MTFR1: variants seen among roughly 807,000 people sequenced by gnomAD.
MTFR1 encodes mitochondrial fission regulator 1, also known as chondrocyte protein with a poly-proline region.
Under a neutral mutation model 38.8 loss-of-function variants are expected in MTFR1, and 28 were observed. The observed-to-expected ratio is 0.72, with a 90% confidence interval of 0.53 to 0.99. The LOEUF is 0.99. MTFR1 is among the 50% of genes least tolerant of loss of function. The probability of loss-of-function intolerance (pLI) is 0.00; values close to 1 mark genes in which losing one functional copy is unlikely to be tolerated. For synonymous variants in MTFR1, 145 were observed against 137.0 expected (o/e 1.06, Z -0.41); for missense variants, 358 against 395.5 (o/e 0.91, Z 0.81).
At chr8:65,688,787 A>G (rs1485794882) in intron 3 of MTFR1, among the ~76,000 whole-genome samples, 2 of 152,054 alleles carry the variant, frequency 1.3e-5, no homozygotes, top group African/African-American at 4.8e-5. Flanking sequence ...GGTAAAAGAG[A>G]AATAATTAAA....
chr8:65,699,248 G>T (rs1232123482), intron 4 of MTFR1, among the ~76,000 whole-genome samples: 1 of 152,164 alleles, frequency 6.6e-6, no homozygotes, highest in East Asian at 1.9e-4. Context: ...ACCACTGATG[G>T]ACATTTAGGT....
At position 65,701,710 on chromosome 8, in the gene MTFR1, A is replaced by C. The variant is rs185622313; in HGVS notation, c.282-2984A>C. ...TGATGATATCCAGCTTAATTTTTCA[A>C]GTGTCAGCATGAAGTATAAGATGGA... On this transcript the variant is annotated intron_variant, in intron 4 of 7. Transcript: ENST00000262146. 3.9e-3 allele frequency among the ~76,000 whole-genome samples: 590 copies of C among 152,332 alleles called. 1 individual carries two copies. The highest frequency in any genetic ancestry group is 6.5e-3 in the Non-Finnish European group (440 of 68,028).
At chr8:65,731,477 CATT>C (rs1010002900) in intron 3 of MTFR1, 7 of 152,138 alleles carry the variant, frequency 4.6e-5, no homozygotes, top group Admixed American at 3.3e-4. Flanking sequence ...AATTTAAACT[CATT>C]ATAGAAACAT....
At chr8:65,765,352 A>ACG (rs1808720605) in intron 3 of MTFR1, among the ~76,000 whole-genome samples, 1 of 149,752 alleles carries the variant, frequency 6.7e-6, no homozygotes, top group Non-Finnish European at 1.5e-5. Context: ...AGCCGGGCGT[A>ACG]GTGGCGGGCG....
chr8:65,729,179 A>G (rs1806730407), intron 3 of MTFR1, among the ~76,000 whole-genome samples: 1 of 152,162 alleles, frequency 6.6e-6, no homozygotes, highest in Admixed American at 6.5e-5. Flanking sequence ...ATTATTTAAC[A>G]TATGTGAAGG....
chr8:65,684,547 G>A (rs1277303189), intron 3 of MTFR1, among the ~76,000 whole-genome samples: 2 of 151,640 alleles, frequency 1.3e-5, no homozygotes, highest in Admixed American at 6.6e-5. Context: ...CACCAAGCCT[G>A]GCTAATTTTG....
chr8:65,736,070 C>T (rs190861825), intron 3 of MTFR1, among the ~76,000 whole-genome samples: 6 of 152,206 alleles, frequency 3.9e-5, no homozygotes, highest in African/African-American at 1.4e-4. Context: ...AACACACCTA[C>T]GATAATGCGC....
intron 1 of MTFR1, among the ~76,000 whole-genome samples, chr8:65,657,227 G>C (rs928576125): frequency 6.6e-6 from 1 of 151,940 alleles, no homozygotes; most frequent in Non-Finnish European, 1.5e-5. Flanking sequence ...TGGCCGGGCT[G>C]GTCTCGAATT....
At chr8:65,777,122 G>A in the MTFR1 span, among the ~76,000 whole-genome samples, 14 of 79,640 alleles carry the variant, frequency 1.8e-4, no homozygotes, top group African/African-American at 6.3e-4. Flanking sequence ...TGTTCTTGTT[G>A]CCCAGACTGG....
At chr8:65,645,277 C>T (rs1808923076) in intron 1 of MTFR1, among the ~76,000 whole-genome samples, 1 of 152,246 alleles carries the variant, frequency 6.6e-6, no homozygotes, top group Non-Finnish European at 1.5e-5. Context: ...GCTGATCCGC[C>T]GGGAAGTTTA....
chr8:65,749,145 C>T (rs930307559), intron 3 of MTFR1, among the ~76,000 whole-genome samples: 2 of 152,178 alleles, frequency 1.3e-5, no homozygotes, highest in Non-Finnish European at 2.9e-5. Context: ...GCTCCCTGTG[C>T]ATTCATCTAT....
At chr8:65,663,257 A>G (rs372214687) in intron 1 of MTFR1, among the ~76,000 whole-genome samples, 37 of 152,140 alleles carry the variant, frequency 2.4e-4, no homozygotes, top group African/African-American at 6.0e-4. Context: ...TCTGAAACAT[A>G]TGCTGTGTCC....
At chr8:65,736,786 A>G (rs1188114783) in intron 3 of MTFR1, among the ~76,000 whole-genome samples, 6 of 113,022 alleles carry the variant, frequency 5.3e-5, no homozygotes, top group Middle Eastern at 5.7e-3. Flanking sequence ...TAATAAATTT[A>G]TCTGTTTTTT....
At chr8:65,690,939 G>A (rs560254874) in intron 3 of MTFR1, among the ~76,000 whole-genome samples, 1 of 152,282 alleles carries the variant, frequency 6.6e-6, no homozygotes, top group Admixed American at 6.5e-5. Context: ...TTATTACAGT[G>A]TTATGGGAAT....
At chr8:65,682,199 G>A (rs1450818653) in intron 2 of MTFR1, 154 bp from the exon 3 acceptor site, 2 of 322,654 alleles carry the variant, frequency 6.2e-6, no homozygotes, top group East Asian at 4.9e-5. Context: ...TTTATTTTTG[G>A]ATTGAGAAAC....
downstream of MTFR1, among the ~76,000 whole-genome samples, chr8:65,711,944 T>TCAAA (rs1223377947): frequency 6.6e-6 from 1 of 152,138 alleles, no homozygotes; most frequent in Non-Finnish European, 1.5e-5. Flanking sequence ...TTAAGACAGC[T>TCAAA]CAAACAGTGC....
At chr8:65,684,298 C>T (rs961435055) in intron 3 of MTFR1, among the ~76,000 whole-genome samples, 1 of 151,784 alleles carries the variant, frequency 6.6e-6, no homozygotes, top group Non-Finnish European at 1.5e-5. Flanking sequence ...GAGTAAGGTA[C>T]GAGAAACATT....
chr8:65,682,314 A>C (rs533446188), intron 2 of MTFR1, 39 bp from the exon 3 acceptor site: 3 of 1,064,726 alleles, frequency 2.8e-6, no homozygotes, highest in South Asian at 3.1e-5. Flanking sequence ...AGTTCTGTAC[A>C]TCTTGTAATT....
At chr8:65,648,631 G>A (rs191638405) in intron 1 of MTFR1, among the ~76,000 whole-genome samples, 18 of 151,970 alleles carry the variant, frequency 1.2e-4, no homozygotes, top group African/African-American at 2.4e-4. Flanking sequence ...TTTCTGCTCC[G>A]ACTCCACCGG....
Sources: allele counts gnomAD v4.1 joint callset (sites outside exome capture counted in the v4.1 genomes callset), GRCh38; gene constraint gnomAD v4.1.1; transcripts MANE v1.5; gene names NCBI Gene and HGNC (gene_info 2026-07-23, HGNC 2026-07-21).